SPHKAP: variants seen among roughly 807,000 people sequenced by gnomAD.
SPHKAP encodes SPHK1 interactor, AKAP domain containing.
Under a neutral mutation model 137.5 loss-of-function variants are expected in SPHKAP, and 67 were observed. The ratio of observed to expected loss-of-function variants is 0.49; its 90% CI spans 0.40 to 0.60. The LOEUF is 0.60. Among genes scored for constraint, SPHKAP ranks in the 20% least tolerant of loss-of-function variants. The probability of loss-of-function intolerance (pLI) is 0.00; values close to 1 mark genes in which losing one functional copy is unlikely to be tolerated. For synonymous variants in SPHKAP, 813 were observed against 785.3 expected (o/e 1.04, Z -0.59); for missense variants, 2,097 against 2,069.3 (o/e 1.01, Z -0.26).
Position 228,019,598 on chromosome 2 carries a change from G to A in SPHKAP, c.1256C>T (p.Ala419Val). 1 of 1,614,152 alleles carries A rather than the reference G, an allele frequency of 6.2e-7. No individual in the cohort carries two copies. The highest frequency in any genetic ancestry group is 1.1e-5 in the South Asian group (1 of 91,080). Reference sequence around the variant, plus strand: ...AGAACTTCCTACAGAAACACTGACTGCAGATTCCTGGGGTAATGTGGACTG... The same window carrying A: ...AGAACTTCCTACAGAAACACTGACTACAGATTCCTGGGGTAATGTGGACTG... The part of the protein sequence containing the change: ...QSQSTLPQES[A>V]VSVSVGSSLL... Residue 419 changes from alanine (A) to valine (V), a missense_variant, in exon 7 of 12, where the codon GCA becomes GTA. Physicochemically the swap from Ala to Val is moderately conservative, Grantham distance 64. Coordinates refer to ENST00000392056, the MANE Select transcript of SPHKAP (RefSeq NM_001142644.2).
At chr2:228,066,587 C>G (rs547232486) in intron 3 of SPHKAP, among the ~76,000 whole-genome samples, 76 of 152,132 alleles carry the variant, frequency 5.0e-4, no homozygotes, top group Non-Finnish European at 9.7e-4. Context: ...GAGAGAACAC[C>G]CAGAGTCCCC....
At chr2:228,041,668 AAAAAG>A (rs1277936474) in intron 3 of SPHKAP, among the ~76,000 whole-genome samples, 1 of 151,714 alleles carries the variant, frequency 6.6e-6, no homozygotes, top group Non-Finnish European at 1.5e-5. Flanking sequence ...AAAAAAAAGA[AAAAAG>A]AAAACAGTTC....
At position 228,057,674 on chromosome 2, in the gene SPHKAP, G is replaced by A. The variant is rs557035432; in HGVS notation, c.247-30131C>T. Among the ~76,000 whole-genome samples, 7 of 152,300 alleles carry A rather than the reference G, an allele frequency of 4.6e-5. No individual in the cohort carries two copies. In the East Asian group the frequency reaches 1.4e-3, roughly 30 times the overall value. ...CAAATAGCATTTGCCAAGGCTTTGT[G>A]GCAAGAGGGAGCATAGCGCATTTAA... is the stretch of plus-strand genomic sequence containing the variant. On this transcript the variant is annotated intron_variant, in intron 3 of 11. Transcript: ENST00000392056.
At chr2:228,178,639 T>A (rs1412820804) in intron 1 of SPHKAP, among the ~76,000 whole-genome samples, 2 of 151,342 alleles carry the variant, frequency 1.3e-5, no homozygotes, top group Non-Finnish European at 1.5e-5. Flanking sequence ...GATTTTAGAT[T>A]AAAAAAAAAT....
At chr2:228,155,651 C>T (rs1177055197) in intron 1 of SPHKAP, among the ~76,000 whole-genome samples, 2 of 152,062 alleles carry the variant, frequency 1.3e-5, no homozygotes, top group South Asian at 2.1e-4. Context: ...TATGCTGTTG[C>T]CTCATTAGAT....
rs955761800 is a variant in SPHKAP, at chr2:228,019,078, T to G, written c.1776A>C (p.Ala592=). The G allele has an allele frequency of 6.2e-7, 1 of 1,614,054 alleles. No homozygotes were observed. The change falls in exon 7 of 12, where the codon GCA becomes GCC. Residue 592 remains alanine, a synonymous_variant. Coordinates refer to ENST00000392056, the MANE Select transcript of SPHKAP (RefSeq NM_001142644.2). The part of the protein sequence containing the change: ...SVAPSGSLPP[A]AEASEAMPPL... The stretch of plus-strand genomic sequence containing the variant: ...GGGGCATGGCTTCAGAAGCCTCAGC[T>G]GCAGGCGGGAGGCTACCACTTGGAG...
At chr2:228,165,408 T>C (rs928968013) in intron 1 of SPHKAP, among the ~76,000 whole-genome samples, 8 of 152,218 alleles carry the variant, frequency 5.3e-5, no homozygotes, top group Non-Finnish European at 1.5e-5. Flanking sequence ...GCTTTCTTCC[T>C]GGAACACCGT....
chr2:228,100,293 A>T (rs1559173510), intron 3 of SPHKAP, among the ~76,000 whole-genome samples: 1 of 152,050 alleles, frequency 6.6e-6, no homozygotes, highest in Non-Finnish European at 1.5e-5. Flanking sequence ...AAATAGTTTG[A>T]CTTCTTTTTT....
intron 3 of SPHKAP, among the ~76,000 whole-genome samples, chr2:228,077,865 G>A (rs923790023): frequency 1.3e-5 from 2 of 152,180 alleles, no homozygotes; most frequent in African/African-American, 4.8e-5. Flanking sequence ...ATCTTGAATT[G>A]TAACTCCTAC....
At chr2:228,048,893 C>T (rs1696158681) in intron 3 of SPHKAP, among the ~76,000 whole-genome samples, 1 of 152,066 alleles carries the variant, frequency 6.6e-6, no homozygotes, top group African/African-American at 2.4e-5. Flanking sequence ...TGTGTGTAAG[C>T]GCACTCTATG....
At chr2:228,176,022 T>C (rs1700728983) in intron 1 of SPHKAP, among the ~76,000 whole-genome samples, 1 of 152,228 alleles carries the variant, frequency 6.6e-6, no homozygotes, top group South Asian at 2.1e-4. Context: ...TTCATAATAC[T>C]GTCTCAAGCC....
intron 3 of SPHKAP, among the ~76,000 whole-genome samples, chr2:228,030,533 C>CAAAAAAAAA (rs1559356982): frequency 2.2e-5 from 1 of 45,628 alleles, no homozygotes; most frequent in Non-Finnish European, 4.1e-5. Context: ...AAAAAAAAAA[C>CAAAAAAAAA]AACAAAAAAC....
At position 228,162,962 on chromosome 2, in the gene SPHKAP, G is replaced by A. The variant is rs114472673; in HGVS notation, c.32+18605C>T. ...GATCCATCCAGCTCGGCCTCCCAAA[G>A]TGCTGTGATTACAGGTGTGAGTCAC... On this transcript the variant is annotated intron_variant, in intron 1 of 11. Coordinates refer to ENST00000392056, the MANE Select transcript of SPHKAP (RefSeq NM_001142644.2). 3.8e-3 allele frequency among the ~76,000 whole-genome samples: 578 copies of A among 152,300 alleles called. 6 individuals carry two copies. The highest frequency in any genetic ancestry group is 0.013 in the African/African-American group (538 of 41,560).
At chr2:228,142,630 T>A (rs1699641153) in intron 1 of SPHKAP, among the ~76,000 whole-genome samples, 1 of 152,054 alleles carries the variant, frequency 6.6e-6, no homozygotes, top group African/African-American at 2.4e-5. Context: ...TTACCACTTT[T>A]AAGTGGGAGC....
intron 3 of SPHKAP, among the ~76,000 whole-genome samples, chr2:228,091,854 G>T (rs1697746712): frequency 6.6e-6 from 1 of 152,108 alleles, no homozygotes; most frequent in East Asian, 1.9e-4. Context: ...ATTGAAAACA[G>T]TGTGGAGAGT....
intron 11 of SPHKAP, among the ~76,000 whole-genome samples, chr2:227,990,580 T>A (rs1351639666): frequency 6.6e-6 from 1 of 152,198 alleles, no homozygotes; most frequent in Non-Finnish European, 1.5e-5. Context: ...ACGAACCTGT[T>A]TGGAAGGGAA....
At chr2:228,149,296 T>C (rs939432227) in intron 1 of SPHKAP, among the ~76,000 whole-genome samples, 4 of 152,200 alleles carry the variant, frequency 2.6e-5, no homozygotes, top group Non-Finnish European at 5.9e-5. Flanking sequence ...CAATAGGATA[T>C]TACTTCAAAT....
intron 3 of SPHKAP, among the ~76,000 whole-genome samples, chr2:228,083,694 C>T (rs1697443078): frequency 6.6e-6 from 1 of 152,128 alleles, no homozygotes; most frequent in Non-Finnish European, 1.5e-5. Flanking sequence ...AAATGCCCAT[C>T]AGTGATAGAC....
chr2:228,151,718 T>C (rs1462941773), intron 1 of SPHKAP, among the ~76,000 whole-genome samples: 1 of 152,166 alleles, frequency 6.6e-6, no homozygotes, highest in Admixed American at 6.5e-5. Flanking sequence ...GTTGCAAGGC[T>C]GGTTATTTTT....
Sources: allele counts gnomAD v4.1 joint callset (sites outside exome capture counted in the v4.1 genomes callset), GRCh38; gene constraint gnomAD v4.1.1; transcripts MANE v1.5; gene names NCBI Gene and HGNC (gene_info 2026-07-23, HGNC 2026-07-21).